Variants in TBC1D5 observed in about 807,000 individuals in gnomAD.
TBC1D5 encodes the protein TBC1 domain family, member 5.
In TBC1D5, 75 loss-of-function variants were observed where a neutral mutation model predicts 100.3. That is an observed-to-expected ratio of 0.75 (90% CI 0.62 to 0.91). TBC1D5 has a LOEUF of 0.91. Ranked by LOEUF, TBC1D5 falls within the 40% of genes least tolerant of loss-of-function variation. The probability of loss-of-function intolerance (pLI) is 0.00; values close to 1 mark genes in which losing one functional copy is unlikely to be tolerated. For synonymous variants in TBC1D5, 323 were observed against 325.6 expected (o/e 0.99, Z 0.09); for missense variants, 910 against 942.4 (o/e 0.97, Z 0.45).
At chr3:17,661,120 G>T (rs149124225) in intron 1 of TBC1D5, among the ~76,000 whole-genome samples, 3 of 152,212 alleles carry the variant, frequency 2.0e-5, no homozygotes, top group East Asian at 3.9e-4. Context: ...CCCAAGGGTG[G>T]GTTAATTTGT....
chr3:17,359,232 T>C (rs1198617193), intron 13 of TBC1D5, among the ~76,000 whole-genome samples: 1 of 152,124 alleles, frequency 6.6e-6, no homozygotes, highest in Admixed American at 6.5e-5. Context: ...TTTTATCTTT[T>C]ATCCTTTATA....
chr3:17,317,265 T>C (rs2084808747), intron 13 of TBC1D5, among the ~76,000 whole-genome samples: 1 of 152,242 alleles, frequency 6.6e-6, no homozygotes, highest in Non-Finnish European at 1.5e-5. Flanking sequence ...GGATTATGTA[T>C]GTCTCAGTTA....
chr3:17,673,046 T>C (rs1353620829), intron 1 of TBC1D5, among the ~76,000 whole-genome samples: 1 of 152,084 alleles, frequency 6.6e-6, no homozygotes, highest in Non-Finnish European at 1.5e-5. Context: ...GGAATAACGA[T>C]GGCTAAGAAG....
At chr3:17,529,225 T>C (rs1324220522) in intron 2 of TBC1D5, among the ~76,000 whole-genome samples, 1 of 152,228 alleles carries the variant, frequency 6.6e-6, no homozygotes, top group African/African-American at 2.4e-5. Flanking sequence ...GTCGCTACTG[T>C]CCCTGAGCTC....
intron 3 of TBC1D5, among the ~76,000 whole-genome samples, chr3:17,491,286 T>C (rs1400866868): frequency 6.6e-6 from 1 of 152,196 alleles, no homozygotes; most frequent in Admixed American, 6.5e-5. Context: ...TCTCTTCTTA[T>C]TTGAATACCC....
At chr3:17,674,204 TC>T (rs1448140950) in intron 1 of TBC1D5, among the ~76,000 whole-genome samples, 1 of 152,218 alleles carries the variant, frequency 6.6e-6, no homozygotes, top group Non-Finnish European at 1.5e-5. Flanking sequence ...TGTTAACCTT[TC>T]CTGCAGCCAA....
intron 1 of TBC1D5, among the ~76,000 whole-genome samples, chr3:17,737,519 AT>A (rs2077050373): frequency 6.6e-6 from 1 of 152,178 alleles, no homozygotes; most frequent in Admixed American, 6.5e-5. Context: ...AACAATAGGC[AT>A]TACTTTCTAT....
chr3:17,422,312 G>C (rs1478228541), intron 4 of TBC1D5, among the ~76,000 whole-genome samples: 3 of 151,744 alleles, frequency 2.0e-5, no homozygotes, highest in African/African-American at 7.3e-5. Context: ...GGGATTACAG[G>C]TGTGTACCAC....
At position 17,210,070 on chromosome 3, in the gene TBC1D5, G is replaced by C. The variant is rs539182356; in HGVS notation, c.1752+4137C>G. 1.3e-5 allele frequency among the ~76,000 whole-genome samples: 2 copies of C among 152,214 alleles called. 1 individual carries two copies. The highest frequency in any genetic ancestry group is 4.2e-4 in the South Asian group (2 of 4,812). On this transcript the variant is annotated intron_variant, in intron 18 of 21. Coordinates refer to ENST00000253692, the Ensembl canonical transcript of TBC1D5. ...GCATATCCTCCAGTGGATTCCCAGG[G>C]TACATGAGAATCATTTTTTTGAATC... is the stretch of plus-strand genomic sequence containing the variant.
At chr3:17,532,797 G>A (rs111495159) in intron 2 of TBC1D5, among the ~76,000 whole-genome samples, 2 of 149,874 alleles carry the variant, frequency 1.3e-5, no homozygotes, top group African/African-American at 4.9e-5. Context: ...GAGAACTCAT[G>A]GACACAGGAA....
rs184858990 is a variant in TBC1D5, at chr3:17,343,442, T to C, written c.995+28633A>G. 5.6e-3 allele frequency among the ~76,000 whole-genome samples: 837 copies of C among 150,626 alleles called. 11 individuals carry two copies. The highest frequency in any genetic ancestry group is 0.019 in the African/African-American group (783 of 40,832). On this transcript the variant is annotated intron_variant, in intron 13 of 21. Transcript: ENST00000253692. ...TCTAAAATTCTCTTTTTTGGTTGTG[T>C]CTCTGCCCGGCTTTGGTATCAGGAT...
intron 3 of TBC1D5, among the ~76,000 whole-genome samples, chr3:17,462,506 G>A (rs1014658218): frequency 6.6e-6 from 1 of 151,806 alleles, no homozygotes; most frequent in Non-Finnish European, 1.5e-5. Context: ...TTTTTGTAGA[G>A]ATGGAGGTCT....
chr3:17,316,711 G>T (rs1301107012), intron 13 of TBC1D5, among the ~76,000 whole-genome samples: 2 of 152,148 alleles, frequency 1.3e-5, no homozygotes, highest in African/African-American at 4.8e-5. Context: ...TGGCTCAGCT[G>T]GTCAAACAGT....
intron 4 of TBC1D5, among the ~76,000 whole-genome samples, chr3:17,411,576 G>A (rs2093926215): frequency 6.6e-6 from 1 of 152,134 alleles, no homozygotes; most frequent in South Asian, 2.1e-4. Flanking sequence ...ATAAGAGAGG[G>A]AAGTATGAAG....
intron 17 of TBC1D5, among the ~76,000 whole-genome samples, chr3:17,218,299 G>A (rs2073891199): frequency 6.6e-6 from 1 of 151,868 alleles, no homozygotes; most frequent in Non-Finnish European, 1.5e-5. Flanking sequence ...GATTGTTTTG[G>A]CTACTAGGGG....
chr3:17,258,072 A>C (rs192583564), intron 16 of TBC1D5, among the ~76,000 whole-genome samples: 1 of 152,296 alleles, frequency 6.6e-6, no homozygotes, highest in East Asian at 1.9e-4. Flanking sequence ...TGCAATCACA[A>C]ATGTACACAC....
rs528087890 is a variant in TBC1D5 at position 17,309,886 on chromosome 3, G to A, written c.996-1752C>T. On this transcript the variant is annotated intron_variant, in intron 13 of 21. Transcript: ENST00000253692. ...GATACAAATGTTTGCACTCTTAAAC[G>A]ATGAAAACATGTAGAATGTGGTTAC... Among the ~76,000 whole-genome samples, 3 of 152,134 alleles carry A rather than the reference G, an allele frequency of 2.0e-5. 1 individual carries two copies. The South Asian group carries it at 6.2e-4, about 32-fold the overall frequency.
intron 3 of TBC1D5, among the ~76,000 whole-genome samples, chr3:17,446,694 G>C (rs895956952): frequency 8.5e-5 from 13 of 152,204 alleles, no homozygotes; most frequent in Non-Finnish European, 1.8e-4. Flanking sequence ...ACATTGGGCC[G>C]GGCGCGGTGG....
chr3:17,418,178 C>T (rs2094128842), intron 4 of TBC1D5, among the ~76,000 whole-genome samples: 1 of 152,080 alleles, frequency 6.6e-6, no homozygotes, highest in African/African-American at 2.4e-5. Flanking sequence ...TCCATAGCAG[C>T]TTTATTGATT....
Sources: allele counts gnomAD v4.1 joint callset (sites outside exome capture counted in the v4.1 genomes callset), GRCh38; gene constraint gnomAD v4.1.1; transcripts MANE v1.5; gene names NCBI Gene and HGNC (gene_info 2026-07-23, HGNC 2026-07-21).